SFRP4: variants seen among roughly 807,000 people sequenced by gnomAD.
SFRP4 encodes secreted frizzled related protein 4.
A neutral mutation model predicts 36.3 loss-of-function variants in SFRP4; 25 were observed. The ratio of observed to expected loss-of-function variants is 0.69; its 90% CI spans 0.50 to 0.96. The LOEUF is 0.96. Among genes scored for constraint, SFRP4 ranks in the 40% least tolerant of loss-of-function variants. The pLI, the probability that SFRP4 is intolerant of heterozygous loss-of-function variation, is 0.00. For synonymous variants in SFRP4, 182 were observed against 168.8 expected (o/e 1.08, Z -0.60); for missense variants, 487 against 459.6 (o/e 1.06, Z -0.54).
intron 3 of SFRP4, among the ~76,000 whole-genome samples, chr7:37,913,451 A>G (rs1455078592): frequency 2.0e-5 from 3 of 152,388 alleles, no homozygotes; most frequent in African/African-American, 7.2e-5. Context: ...ATGATTTAAG[A>G]CATGCAATGA....
rs3840557 is a variant in SFRP4, at chr7:37,909,066, G to GA, written c.855+550dup. ...GATTGGTATAATTTCACATCTCTGG[G>GA]AAAAAATTATTCTAACTCCTCTAAT... On this transcript the variant is annotated intron_variant, in intron 5 of 5. Transcript: ENST00000436072. 5.9e-5 allele frequency among the ~76,000 whole-genome samples: 9 copies of GA among 152,026 alleles called. No individual in the cohort carries two copies. The East Asian group carries it at 1.2e-3, about 20-fold the overall frequency.
At chr7:37,909,505 G>C in intron 5 of SFRP4, 112 bp downstream of exon 5, 1 of 581,142 alleles carries the variant, frequency 1.7e-6, no homozygotes. Flanking sequence ...TGTTGCTATT[G>C]CTGGCTCTTA....
At chr7:37,913,691 A>G (rs1242788993) in intron 3 of SFRP4, among the ~76,000 whole-genome samples, 5 of 152,250 alleles carry the variant, frequency 3.3e-5, no homozygotes, top group Non-Finnish European at 4.4e-5. Context: ...TCGATAGTGT[A>G]ACCATAGGAT....
At chr7:37,908,994 A>G (rs568616742) in intron 5 of SFRP4, among the ~76,000 whole-genome samples, 1 of 7,552 alleles carries the variant, frequency 1.3e-4, no homozygotes, top group African/African-American at 1.4e-4. Flanking sequence ...CATATTTTGC[A>G]AAGAAGGATG....
intron 5 of SFRP4, among the ~76,000 whole-genome samples, chr7:37,908,373 A>C (rs939285271): frequency 1.3e-5 from 2 of 152,338 alleles, no homozygotes; most frequent in African/African-American, 2.4e-5. Context: ...GCTTGGCTAG[A>C]GTCTATTTCA....
intron 3 of SFRP4, among the ~76,000 whole-genome samples, chr7:37,913,186 C>T (rs1785522178): frequency 6.6e-6 from 1 of 152,166 alleles, no homozygotes; most frequent in South Asian, 2.1e-4. Context: ...AGAAAAAAAG[C>T]TACAGGAAAA....
In SFRP4 at chr7:37,912,188, G is replaced by A; in HGVS notation, c.722C>T (p.Ser241Phe). 1 of 1,614,190 alleles carries A rather than the reference G, an allele frequency of 6.2e-7. No homozygotes were observed. Among genetic ancestry groups the A allele is most frequent in the Non-Finnish European group, 8.5e-7 (1 of 1,180,018 alleles). The change falls in exon 4 of 6, where the codon TCT (serine) becomes TTT (phenylalanine). Residue 241 changes from serine (S) to phenylalanine (F), a missense_variant. Physicochemically the swap from Ser to Phe is radical, Grantham distance 155. Transcript: ENST00000436072. ...PRTQVPLITN[S>F]SCQCPHILPH... is the part of the protein sequence containing the mutation. ...CAGGATGTGTGGACACTGGCAAGAA[G>A]AATTTGTAATGAGCGGGACTTGAGT...
chr7:37,912,923 C>T (rs1245323525), intron 3 of SFRP4, among the ~76,000 whole-genome samples: 1 of 152,224 alleles, frequency 6.6e-6, no homozygotes, highest in Non-Finnish European at 1.5e-5. Context: ...TGGTCTCTTG[C>T]TATTACTGCC....
chr7:37,909,705 C>A, intron 4 of SFRP4, 25 bp from the exon 5 acceptor site: 1 of 1,394,122 alleles, frequency 7.2e-7, no homozygotes, highest in South Asian at 1.3e-5. Flanking sequence ...TCTTAGTAAA[C>A]AGATTTTTAT....
At chr7:37,907,857 C>T (rs1231054364) in intron 5 of SFRP4, among the ~76,000 whole-genome samples, 193 bp from the exon 6 acceptor site, 1 of 152,180 alleles carries the variant, frequency 6.6e-6, no homozygotes, top group Admixed American at 6.5e-5. Flanking sequence ...GAAGTTTCCA[C>T]ATGCATTCAT....
intron 3 of SFRP4, among the ~76,000 whole-genome samples, chr7:37,912,959 T>C (rs943212217): frequency 6.6e-6 from 1 of 152,246 alleles, no homozygotes; most frequent in East Asian, 1.9e-4. Flanking sequence ...ATCAGCCTAA[T>C]ATGGCTCTGT....
intron 3 of SFRP4, among the ~76,000 whole-genome samples, chr7:37,913,855 C>T (rs1429325549): frequency 1.3e-5 from 2 of 152,220 alleles, no homozygotes; most frequent in East Asian, 1.9e-4. Context: ...ATCATTCTCT[C>T]ATTCTTCCTG....
chr7:37,916,422 A>G lies in SFRP4; in HGVS notation c.116T>C (p.Ile39Thr). The G allele has an allele frequency of 6.2e-7, 1 of 1,613,992 alleles. No individual in the cohort carries two copies. Among genetic ancestry groups the G allele is most frequent in the Non-Finnish European group, 8.5e-7 (1 of 1,179,950 alleles). ...IPMCRHMPWNITRMPNHLHHS... is the reference protein window; with the variant it reads ...IPMCRHMPWNTTRMPNHLHHS... ...GTGCAGGTGGTTGGGCATCCGCGTG[A>G]TGTTCCAGGGCATGTGCCGGCACAT... The change falls in exon 1 of 6, where the codon ATC becomes ACC. Residue 39 changes from isoleucine (I) to threonine (T), a missense_variant. Coordinates refer to ENST00000436072, the MANE Select transcript of SFRP4 (RefSeq NM_003014.4). The surrounding 1 kb of genome is among the most constrained non-coding windows in gnomAD (Gnocchi z 4.1).
rs755468190 is a variant in SFRP4 at position 37,907,563 on chromosome 7, C to T, written c.957G>A (p.Lys319=). Residue 319 remains lysine, a synonymous_variant, in exon 6 of 6, where the codon AAG becomes AAA. Transcript: ENST00000436072. ...GACTGGCTGGTTTGGGAGCAGGAGGCTTTCCCTTTGGTTTGGGGGGATTAC... is the reference window on the plus strand; with the variant it reads ...GACTGGCTGGTTTGGGAGCAGGAGGTTTTCCCTTTGGTTTGGGGGGATTAC... ...SRSNPPKPKG[K]PPAPKPASPK... is the part of the protein sequence containing the mutation. 1 of 1,613,792 alleles carries T rather than the reference C, an allele frequency of 6.2e-7. No homozygotes were observed.
intron 3 of SFRP4, among the ~76,000 whole-genome samples, chr7:37,912,659 T>C (rs1435098123): frequency 2.0e-5 from 3 of 152,232 alleles, no homozygotes; most frequent in Non-Finnish European, 2.9e-5. Flanking sequence ...GGATCATATA[T>C]ATTCAGATCA....
Position 37,909,769 on chromosome 7 carries a change from C to T in SFRP4, c.792-89G>A, listed in dbSNP as rs1277889711. On this transcript the variant is annotated intron_variant, in intron 4 of 5. Transcript: ENST00000436072. ...AATTGTAAAAAAATTATTCAATAAT[C>T]CTTTACCCCATAATCCACACATCCA... 16 of 703,330 alleles carry T rather than the reference C, an allele frequency of 2.3e-5. 1 individual carries two copies. In the African/African-American group the frequency reaches 2.7e-4, roughly 12 times the overall value. The allele number at this position is 703,330 out of a possible 1,614,324, so 43.6% of individuals were successfully genotyped here.
At position 37,914,442 on chromosome 7, in the gene SFRP4, T is replaced by G. The variant is rs374657153; in HGVS notation, c.457A>C (p.Ile153Leu). 2 of 1,613,634 alleles carry G rather than the reference T, an allele frequency of 1.2e-6. No homozygotes were observed. Among genetic ancestry groups the G allele is most frequent in the Admixed American group, 3.3e-5 (2 of 60,016 alleles). ...VTDLPEDVKW[I>L]DITPDMMVQE... ...ACCATCATGTCTGGTGTGATGTCTATCCACTTAACATCTGAAACACAAACA... is the reference window on the plus strand; with the variant it reads ...ACCATCATGTCTGGTGTGATGTCTAGCCACTTAACATCTGAAACACAAACA... Residue 153 changes from isoleucine (I) to leucine (L), a missense_variant, in exon 2 of 6, where the codon ATA (isoleucine) becomes CTA (leucine). Physicochemically the swap from Ile to Leu is conservative, Grantham distance 5. Transcript: ENST00000436072.
intron 3 of SFRP4, among the ~76,000 whole-genome samples, chr7:37,913,679 G>T (rs1562850740): frequency 6.6e-6 from 1 of 152,210 alleles, no homozygotes; most frequent in African/African-American, 2.4e-5. Context: ...ATTTAAACTA[G>T]TTCGATAGTG....
In SFRP4 at chr7:37,916,531, G is replaced by C. The variant is rs200498112; in HGVS notation, c.7C>G (p.Leu3Val). The C allele has an allele frequency of 5.0e-5, 80 of 1,607,000 alleles. No homozygotes were observed. The highest frequency in any genetic ancestry group is 3.4e-6 in the Non-Finnish European group (4 of 1,178,730). ...AGGCACAGCGCCACTAGGATGGAGA[G>C]GAACATGGCACTGCCCTCTCGCGCT... MF[L>V]SILVALCLWL... Residue 3 changes from leucine (L) to valine (V), a missense_variant, in exon 1 of 6, where the codon CTC (leucine) becomes GTC (valine). Coordinates refer to ENST00000436072, the MANE Select transcript of SFRP4 (RefSeq NM_003014.4). This position sits in a 1 kb window ranked among gnomAD's most constrained non-coding sequence, Gnocchi z 4.1.
Sources: allele counts gnomAD v4.1 joint callset (sites outside exome capture counted in the v4.1 genomes callset), GRCh38; gene constraint gnomAD v4.1.1; non-coding constraint Gnocchi (gnomAD v3.1); transcripts MANE v1.5; gene names NCBI Gene and HGNC (gene_info 2026-07-23, HGNC 2026-07-21).